The following GLYATL2 variants were observed in gnomAD, a reference collection of about 807,000 sequenced individuals.
GLYATL2 encodes glycine N-acyltransferase-like protein 2.
GLYATL2 carries 25 observed loss-of-function variants against 21.4 expected under a neutral mutation model. The observed-to-expected ratio is 1.17, with a 90% CI of 0.85 to 1.63. The LOEUF (loss-of-function observed/expected upper bound fraction) is 1.63. GLYATL2 is among the 40% of genes most tolerant of loss of function. GLYATL2 has a pLI of 0.00. For synonymous variants in GLYATL2, 114 were observed against 118.2 expected (o/e 0.96, Z 0.23); for missense variants, 361 against 343.3 (o/e 1.05, Z -0.41).
chr11:58,848,014 T>G (rs1426970531), upstream of GLYATL2, among the ~76,000 whole-genome samples: 2 of 146,742 alleles, frequency 1.4e-5, no homozygotes, highest in African/African-American at 4.9e-5. Flanking sequence ...TTTTTTTTTT[T>G]TTTTTTGAGA....
chr11:58,838,155 CA>C (rs1853473463), intron 3 of GLYATL2, 105 bp downstream of exon 3: 1 of 708,184 alleles, frequency 1.4e-6, no homozygotes, highest in East Asian at 2.7e-5. Context: ...CATACATCAA[CA>C]GTGTCAATGT....
At chr11:58,840,954 C>G (rs764355267) in intron 1 of GLYATL2, 2 of 149,520 alleles carry the variant, frequency 1.3e-5, no homozygotes. Flanking sequence ...TTGCATATAC[C>G]CACCTGAAAG....
chr11:58,873,546 T>C (rs3020907), intron 1 of GLYATL2, among the ~76,000 whole-genome samples: 131,556 of 152,112 alleles, frequency 0.86, 58,254 homozygotes, highest in Non-Finnish European at 0.96. Flanking sequence ...GAGATAATCA[T>C]GTGATTTTTG....
chr11:58,864,172 C>A (rs571100425), intron 1 of GLYATL2, among the ~76,000 whole-genome samples: 3 of 152,238 alleles, frequency 2.0e-5, no homozygotes, highest in African/African-American at 7.2e-5. Context: ...CAGGGGTCAG[C>A]CTGGAGGTTG....
At chr11:58,850,780 C>T (rs1853727297) in intron 1 of GLYATL2, among the ~76,000 whole-genome samples, 1 of 152,078 alleles carries the variant, frequency 6.6e-6, no homozygotes, top group Non-Finnish European at 1.5e-5. Flanking sequence ...AGAGAAGACT[C>T]TGCTCCACCA....
rs891767347 is a variant in GLYATL2, at chr11:58,863,678, G to A, written n.61-25310C>T. Among the ~76,000 whole-genome samples, 5 of 152,206 alleles carry A rather than the reference G, an allele frequency of 3.3e-5. No individual in the cohort carries two copies. The South Asian group carries it at 1.0e-3, about 32-fold the overall frequency. ...CACAGAGGCTGGCCTAGAAGCTGGG[G>A]AATGGCCTGGAGGTTGGGTGTATGA... is the stretch of plus-strand genomic sequence containing the variant. On this transcript the variant is annotated intron_variant and non_coding_transcript_variant, in intron 1 of 4. Transcript: ENST00000533636.
intron 1 of GLYATL2, among the ~76,000 whole-genome samples, chr11:58,899,309 A>G (rs1336509007): frequency 1.3e-5 from 2 of 151,494 alleles, no homozygotes; most frequent in South Asian, 2.1e-4. Context: ...GTCTCCCTCC[A>G]CTCCCAACCG....
At chr11:58,903,547 C>T (rs764445068) in intron 1 of GLYATL2, among the ~76,000 whole-genome samples, 3 of 152,026 alleles carry the variant, frequency 2.0e-5, no homozygotes, top group Non-Finnish European at 4.4e-5. Context: ...GTGACAGGCA[C>T]TTGTAATACC....
chr11:58,864,642 G>A (rs1853992707), intron 1 of GLYATL2, among the ~76,000 whole-genome samples: 1 of 149,334 alleles, frequency 6.7e-6, no homozygotes, highest in African/African-American at 2.4e-5. Context: ...CACAGGTAAT[G>A]TAAACTTGTT....
chr11:58,892,778 TG>T, intron 1 of GLYATL2: 1 of 336,382 alleles, frequency 3.0e-6, no homozygotes, highest in Non-Finnish European at 6.0e-6. Context: ...GCTCAATGCC[TG>T]CAATAAAAGC....
At chr11:58,892,976 C>T (rs998791268) in intron 1 of GLYATL2, 6 of 304,762 alleles carry the variant, frequency 2.0e-5, no homozygotes, top group Non-Finnish European at 3.8e-5. Flanking sequence ...TCAAAATACG[C>T]AACTTTGCAA....
intron 1 of GLYATL2, among the ~76,000 whole-genome samples, chr11:58,855,704 T>C (rs1290205631): frequency 2.0e-5 from 3 of 152,236 alleles, no homozygotes; most frequent in African/African-American, 4.8e-5. Context: ...AAAAGAAACC[T>C]GTGTCATCTA....
intron 1 of GLYATL2, among the ~76,000 whole-genome samples, chr11:58,901,161 C>G (rs1269805757): frequency 6.6e-6 from 1 of 152,188 alleles, no homozygotes; most frequent in Admixed American, 6.5e-5. Context: ...GCACCGCTGA[C>G]GCCCTGGGAG....
At chr11:58,879,687 G>A (rs1854297416) in intron 1 of GLYATL2, among the ~76,000 whole-genome samples, 2 of 152,148 alleles carry the variant, frequency 1.3e-5, no homozygotes, top group Admixed American at 1.3e-4. Flanking sequence ...CAGGGAACGA[G>A]TAATTGTGTT....
At chr11:58,879,418 A>G (rs1057382043) in intron 1 of GLYATL2, among the ~76,000 whole-genome samples, 3 of 152,190 alleles carry the variant, frequency 2.0e-5, no homozygotes, top group Non-Finnish European at 4.4e-5. Flanking sequence ...CACAGTGACA[A>G]TTGTCTGTGT....
intron 1 of GLYATL2, among the ~76,000 whole-genome samples, chr11:58,891,830 C>G (rs988854852): frequency 2.6e-5 from 4 of 152,058 alleles, no homozygotes; most frequent in Non-Finnish European, 5.9e-5. Context: ...GGGAGAGAAG[C>G]AATTGTTGCA....
rs959652217 is a variant in GLYATL2 at position 58,838,492 on chromosome 11, G to A, written c.79-124C>T. 5.1e-6 allele frequency: 3 copies of A among 591,762 alleles called. No homozygotes were observed. The East Asian group carries it at 9.1e-5, about 18-fold the overall frequency. 36.7% of individuals were successfully genotyped at this position (591,762 alleles called of 1,614,324 possible). A position where few individuals can be genotyped will look rare whatever the true frequency, so the allele number is the denominator to read the frequency against. ...AGAAGTATAGGAGGACTTAGGATGGGCCAGTGCTTCCAGGATGGCTCATTG... is the reference window on the plus strand; with the variant it reads ...AGAAGTATAGGAGGACTTAGGATGGACCAGTGCTTCCAGGATGGCTCATTG... On this transcript the variant is annotated intron_variant, in intron 2 of 5. Coordinates refer to ENST00000287275, the MANE Select transcript of GLYATL2 (RefSeq NM_145016.4).
chr11:58,849,290 T>C (rs567244211), upstream of GLYATL2, among the ~76,000 whole-genome samples: 5 of 152,258 alleles, frequency 3.3e-5, no homozygotes, highest in East Asian at 7.7e-4. Flanking sequence ...ACAGACAGAA[T>C]ATTATAACGC....
intron 1 of GLYATL2, among the ~76,000 whole-genome samples, chr11:58,856,360 G>T (rs545803): frequency 0.89 from 134,753 of 152,150 alleles, 60,871 homozygotes; most frequent in Non-Finnish European, 0.98. Context: ...CAGCAATAAG[G>T]CCATTTTGCT....
Sources: gnomAD v4.1 joint callset for allele counts (sites outside exome capture counted in the v4.1 genomes callset) on GRCh38, gnomAD v4.1.1 for gene constraint, MANE v1.5 for transcripts, NCBI Gene and HGNC (gene_info 2026-07-23, HGNC 2026-07-21) for gene names.